The following FLT3 variants were observed in gnomAD, a reference collection of about 807,000 sequenced individuals.
The protein encoded by FLT3 is receptor-type tyrosine-protein kinase FLT3.
Under a neutral mutation model 126.6 loss-of-function variants are expected in FLT3, and 46 were observed. That is an observed-to-expected ratio of 0.36 (90% CI 0.29 to 0.46). The LOEUF (loss-of-function observed/expected upper bound fraction) is 0.46, where lower values mean the gene tolerates loss of function less well. FLT3 is among the 20% of genes least tolerant of loss of function. FLT3 has a pLI of 1.00. For synonymous variants in FLT3, 404 were observed against 434.4 expected (o/e 0.93, Z 0.87); for missense variants, 1,069 against 1,190.3 (o/e 0.90, Z 1.50).
At chr13:28,074,014 T>A (rs9507991) in intron 1 of FLT3, among the ~76,000 whole-genome samples, 1 of 151,366 alleles carries the variant, frequency 6.6e-6, no homozygotes, top group Non-Finnish European at 1.5e-5. Context: ...CCTATCACTC[T>A]CAAAAGTTTC....
chr13:28,059,164 T>C (rs1385223117), intron 3 of FLT3, among the ~76,000 whole-genome samples: 2 of 152,182 alleles, frequency 1.3e-5, no homozygotes, highest in Non-Finnish European at 2.9e-5. Flanking sequence ...AAGAATGTAT[T>C]TGACCTTAAA....
intron 1 of FLT3, among the ~76,000 whole-genome samples, chr13:28,080,869 G>A (rs1309479533): frequency 2.6e-5 from 4 of 152,120 alleles, no homozygotes; most frequent in East Asian, 1.9e-4. Flanking sequence ...CATTGTTCCA[G>A]TACCATTTGT....
intron 9 of FLT3, among the ~76,000 whole-genome samples, chr13:28,038,406 C>T (rs533021455): frequency 6.6e-6 from 1 of 151,800 alleles, no homozygotes; most frequent in South Asian, 2.1e-4. Flanking sequence ...AAATCTAAGG[C>T]TTGTACCGAA....
At chr13:28,051,970 C>T (rs963988862) in intron 5 of FLT3, among the ~76,000 whole-genome samples, 6 of 151,896 alleles carry the variant, frequency 4.0e-5, no homozygotes, top group Non-Finnish European at 7.3e-5. Context: ...TAGCATGATG[C>T]CCAGGAAGGG....
chr13:28,084,511 AC>A (rs1466326931), intron 1 of FLT3, among the ~76,000 whole-genome samples: 1 of 151,944 alleles, frequency 6.6e-6, no homozygotes, highest in Non-Finnish European at 1.5e-5. Flanking sequence ...AATGCCACCA[AC>A]CTGGCTAATT....
intron 3 of FLT3, among the ~76,000 whole-genome samples, chr13:28,058,295 ACC>A (rs1876219101): frequency 6.6e-6 from 1 of 151,140 alleles, no homozygotes; most frequent in Non-Finnish European, 1.5e-5. Context: ...TGGGTGGATC[ACC>A]TGAGGTCGGG....
chr13:28,021,159 G>A (rs1872350679), intron 19 of FLT3, among the ~76,000 whole-genome samples: 1 of 152,180 alleles, frequency 6.6e-6, no homozygotes, highest in South Asian at 2.1e-4. Flanking sequence ...GGAAGCCGAG[G>A]CGGGCAAATC....
At chr13:28,043,627 A>T (rs1420673889) in intron 9 of FLT3, among the ~76,000 whole-genome samples, 3 of 152,376 alleles carry the variant, frequency 2.0e-5, no homozygotes, top group Non-Finnish European at 4.4e-5. Context: ...GGTGGTAGGT[A>T]AAGAATGCTC....
intron 1 of FLT3, among the ~76,000 whole-genome samples, chr13:28,079,433 T>C (rs1878177532): frequency 6.6e-6 from 1 of 152,220 alleles, no homozygotes; most frequent in Non-Finnish European, 1.5e-5. Flanking sequence ...TTCCAACTTC[T>C]GCCTGTTACC....
chr13:28,052,287 G>C (rs1331123609), intron 5 of FLT3, among the ~76,000 whole-genome samples: 1 of 151,450 alleles, frequency 6.6e-6, no homozygotes, highest in Admixed American at 6.6e-5. Flanking sequence ...GTAGAGATGG[G>C]GTTTCACCAT....
At chr13:28,015,770 A>G in intron 20 of FLT3, 69 bp from the exon 21 acceptor site, 1 of 929,046 alleles carries the variant, frequency 1.1e-6, no homozygotes, top group Non-Finnish European at 1.8e-6. Flanking sequence ...TTTCTTTTGT[A>G]TTAAGATGAA....
At chr13:28,084,834 G>A (rs1425488333) in intron 1 of FLT3, among the ~76,000 whole-genome samples, 1 of 151,926 alleles carries the variant, frequency 6.6e-6, no homozygotes, top group Non-Finnish European at 1.5e-5. Context: ...AATTAGCCGG[G>A]CGTGGTGGCG....
intron 5 of FLT3, among the ~76,000 whole-genome samples, chr13:28,051,065 C>T (rs1478579022): frequency 6.6e-6 from 1 of 152,168 alleles, no homozygotes; most frequent in Non-Finnish European, 1.5e-5. Flanking sequence ...TGATGAGGCA[C>T]AGAGAGTAAG....
chr13:28,032,443 C>T (rs1873427343), intron 15 of FLT3, among the ~76,000 whole-genome samples: 1 of 152,190 alleles, frequency 6.6e-6, no homozygotes, highest in Admixed American at 6.5e-5. Context: ...AGCCCCATCT[C>T]TACCAAAAAT....
chr13:28,077,212 A>C (rs1051472280), intron 1 of FLT3, among the ~76,000 whole-genome samples: 2 of 152,224 alleles, frequency 1.3e-5, no homozygotes, highest in African/African-American at 4.8e-5. Context: ...TGATGCTAGC[A>C]TCTGCTTCTG....
chr13:28,077,475 G>A (rs1878034645), intron 1 of FLT3, among the ~76,000 whole-genome samples: 1 of 152,120 alleles, frequency 6.6e-6, no homozygotes, highest in Non-Finnish European at 1.5e-5. Context: ...CAAATCTCGT[G>A]AGACTTATTC....
rs1369528324 is a variant in FLT3 at position 28,049,391 on chromosome 13, G to A, written c.1029C>T (p.Thr343=). The A allele has an allele frequency of 1.2e-6, 2 of 1,613,250 alleles. No individual in the cohort carries two copies. Among genetic ancestry groups the A allele is most frequent in the Non-Finnish European group, 1.7e-6 (2 of 1,179,692 alleles). The part of the protein sequence containing the change: ...SKHPSQSALV[T]IVEKGFINAT... The stretch of plus-strand genomic sequence containing the variant: ...GTGAGCAGCCTGCATTACCTACGAT[G>A]GTAACCAAAGCTGATTGACTGGGAT... Residue 343 remains threonine (T), a synonymous_variant, in exon 8 of 24, where the codon ACC becomes ACT. Transcript: ENST00000241453.
At chr13:28,042,020 G>T (rs1435391686) in intron 9 of FLT3, among the ~76,000 whole-genome samples, 1 of 151,828 alleles carries the variant, frequency 6.6e-6, no homozygotes, top group Non-Finnish European at 1.5e-5. Context: ...TGGGCACGGT[G>T]GCACACGCCT....
intron 19 of FLT3, 138 bp from the exon 20 acceptor site, chr13:28,018,727 G>T: frequency 1.2e-6 from 1 of 849,610 alleles, no homozygotes; most frequent in Non-Finnish European, 1.8e-6. Context: ...GCCGTGAGCG[G>T]CCATGATGAT....
Sources: allele counts gnomAD v4.1 joint callset (sites outside exome capture counted in the v4.1 genomes callset), GRCh38; gene constraint gnomAD v4.1.1; transcripts MANE v1.5; gene names NCBI Gene and HGNC (gene_info 2026-07-23, HGNC 2026-07-21).